PLEKHG5: variants seen among roughly 807,000 people sequenced by gnomAD.
PLEKHG5 encodes pleckstrin homology and RhoGEF domain containing G5.
In PLEKHG5, 52 loss-of-function variants were observed where a neutral mutation model predicts 103.8. The ratio of observed to expected loss-of-function variants is 0.50; its 90% CI spans 0.40 to 0.63. The LOEUF (loss-of-function observed/expected upper bound fraction) is 0.63, where lower values mean the gene tolerates loss of function less well. PLEKHG5 is among the 30% of genes least tolerant of loss of function. The probability of loss-of-function intolerance (pLI) is 0.00; values close to 1 mark genes in which losing one functional copy is unlikely to be tolerated. For missense variants in PLEKHG5, 1,205 were observed against 1,347.6 expected, an observed-to-expected ratio of 0.89 and a Z score of 1.66; for synonymous variants, 592 against 575.5, an observed-to-expected ratio of 1.03 and a Z score of -0.41.
chr1:6,471,716 T>G (rs1047472923), intron 11 of PLEKHG5, 42 bp downstream of exon 11: 1 of 1,596,508 alleles, frequency 6.3e-7, no homozygotes, highest in Non-Finnish European at 8.5e-7. Context: ...CCGCCCTCCT[T>G]CCTGGTACCT....
chr1:6,484,477 A>C (rs536612541), intron 1 of PLEKHG5, among the ~76,000 whole-genome samples: 6 of 152,262 alleles, frequency 3.9e-5, no homozygotes, highest in African/African-American at 1.4e-4. Flanking sequence ...TTGACGATGA[A>C]GTTCTGGAAG....
At position 6,470,958 on chromosome 1, in the gene PLEKHG5, T is replaced by C. The variant is rs367581710; in HGVS notation, c.1392+32A>G. ...GGCCCCGTCCAGGGTCCCGTCCTCCTGCGCCCCCGCCCACGGCACGCGCGC... is the reference window on the plus strand; with the variant it reads ...GGCCCCGTCCAGGGTCCCGTCCTCCCGCGCCCCCGCCCACGGCACGCGCGC... On this transcript the variant is annotated intron_variant, in intron 13 of 20. Transcript: ENST00000377728. 5.7e-6 allele frequency: 8 copies of C among 1,392,802 alleles called. No homozygotes were observed. The East Asian group carries it at 1.8e-4, about 32-fold the overall frequency. 86.3% of individuals were successfully genotyped at this position (1,392,802 alleles called of 1,614,324 possible). A position where few individuals can be genotyped will look rare whatever the true frequency, so the allele number is the denominator to read the frequency against.
intron 2 of PLEKHG5, 152 bp from the exon 3 acceptor site, chr1:6,476,188 A>T (rs971558378): frequency 1.4e-6 from 1 of 718,998 alleles, no homozygotes; most frequent in African/African-American, 1.7e-5. Context: ...GGGCTCAGTC[A>T]TTGTTTTTTG....
intron 1 of PLEKHG5, among the ~76,000 whole-genome samples, chr1:6,511,028 G>T (rs1426713669): frequency 6.6e-6 from 1 of 152,076 alleles, no homozygotes; most frequent in Non-Finnish European, 1.5e-5. Context: ...GGCAGAAGTT[G>T]TAGTGAGCCG....
intron 12 of PLEKHG5, 66 bp from the exon 13 acceptor site, chr1:6,471,166 G>T: frequency 7.6e-7 from 1 of 1,321,042 alleles, no homozygotes; most frequent in Non-Finnish European, 1.1e-6. Context: ...GCCCGCGCCA[G>T]GCGCTGCGCA....
At chr1:6,468,721 C>A in intron 19 of PLEKHG5, 135 bp from the exon 20 acceptor site, 1 of 906,162 alleles carries the variant, frequency 1.1e-6, no homozygotes, top group Non-Finnish European at 1.7e-6. Flanking sequence ...CAGCATGTGG[C>A]AGGTGTGGCA....
At chr1:6,495,916 G>A (rs1053371863), upstream of PLEKHG5, among the ~76,000 whole-genome samples, 1 of 152,236 alleles carries the variant, frequency 6.6e-6, no homozygotes, top group Non-Finnish European at 1.5e-5. Context: ...GAAGCGCCCA[G>A]CCAGTACTAT....
At chr1:6,516,792 A>G (rs1338765770) in intron 1 of PLEKHG5, among the ~76,000 whole-genome samples, 1 of 20,496 alleles carries the variant, frequency 4.9e-5, no homozygotes. Context: ...TGTGTTATAT[A>G]TATGTGTATA....
At chr1:6,504,974 C>T (rs1050558205) in intron 1 of PLEKHG5, among the ~76,000 whole-genome samples, 2 of 152,174 alleles carry the variant, frequency 1.3e-5, no homozygotes, top group East Asian at 1.9e-4. Context: ...TCTGGCCTCA[C>T]GGATGGGCTC....
upstream of PLEKHG5, among the ~76,000 whole-genome samples, chr1:6,499,331 G>A (rs1257710331): frequency 1.3e-5 from 2 of 152,164 alleles, no homozygotes; most frequent in Non-Finnish European, 2.9e-5. Context: ...TTGGGTTCTG[G>A]AATTCCTTGT....
At chr1:6,485,913 C>T (rs1645025651) in intron 1 of PLEKHG5, 1 of 986,184 alleles carries the variant, frequency 1.0e-6, no homozygotes, top group Admixed American at 6.1e-5. Flanking sequence ...TCAGAGGGCT[C>T]CTCAGAACTT....
At position 6,473,310 on chromosome 1, in the gene PLEKHG5, C is replaced by A; in HGVS notation, c.736G>T (p.Ala246Ser). The change falls in exon 8 of 21, where the codon GCG (alanine) becomes TCG (serine). Residue 246 changes from alanine (A) to serine (S), a missense_variant. Coordinates refer to ENST00000377728, the MANE Select transcript of PLEKHG5 (RefSeq NM_020631.6). ...AAAAAGCCGCTGAAGCGACTGGCCG[C>A]CCGGTTCTTCCAGCTGTCGCCAGTG... Reference protein sequence around the residue: ...TNTGDSWKNRAASRFSGFFSS... With the variant: ...TNTGDSWKNRSASRFSGFFSS... 6 of 1,575,448 alleles carry A rather than the reference C, an allele frequency of 3.8e-6. No individual in the cohort carries two copies. The highest frequency in any genetic ancestry group is 5.2e-6 in the Non-Finnish European group (6 of 1,161,434).
At position 6,473,132 on chromosome 1, in the gene PLEKHG5, A is replaced by G. The variant is rs1164397420; in HGVS notation, c.838T>C (p.Tyr280His). The change falls in exon 9 of 21, where the codon TAC becomes CAC. Residue 280 changes from tyrosine to histidine, a missense_variant. By Grantham distance (83) the Tyr-to-His change is moderately conservative. Coordinates refer to ENST00000377728, the MANE Select transcript of PLEKHG5 (RefSeq NM_020631.6). ...MEQLEGKLHT[Y>H]SLFGLPRLPR... ...AGCCTGGGCAGCCCGAAGAGGCTGT[A>G]GGTGTGCAGCTTGCCCTCCAGCTGC... is the stretch of plus-strand genomic sequence containing the variant. 1 of 1,613,828 alleles carries G rather than the reference A, an allele frequency of 6.2e-7. No individual in the cohort carries two copies. Among genetic ancestry groups the G allele is most frequent in the Non-Finnish European group, 8.5e-7 (1 of 1,179,992 alleles).
intron 1 of PLEKHG5, among the ~76,000 whole-genome samples, chr1:6,479,626 T>C (rs1215256013): frequency 6.6e-6 from 1 of 151,674 alleles, no homozygotes; most frequent in Non-Finnish European, 1.5e-5. Context: ...TTTTTTTTTT[T>C]CTTCAAGACA....
chr1:6,474,631 A>C (rs1644703951), intron 5 of PLEKHG5, 44 bp from the exon 6 acceptor site: 1 of 1,607,958 alleles, frequency 6.2e-7, no homozygotes, highest in African/African-American at 1.3e-5. Flanking sequence ...CCAGGCGGCC[A>C]GTCGCTTCAG....
intron 7 of PLEKHG5, 81 bp from the exon 8 acceptor site, chr1:6,473,535 A>G (rs953988236): frequency 7.8e-6 from 9 of 1,152,994 alleles, no homozygotes; most frequent in African/African-American, 1.6e-5. Flanking sequence ...CCAGGGCCTC[A>G]GGCCAGCCTG....
At position 6,477,640 on chromosome 1, in the gene PLEKHG5, A is replaced by C; in HGVS notation, c.-69T>G. On this transcript the variant is annotated 5_prime_UTR_variant, in exon 2 of 21. Coordinates refer to ENST00000377728, the MANE Select transcript of PLEKHG5 (RefSeq NM_020631.6). ...GGCCCCCGGCGGTGCAGCTGCTGGC[A>C]GTCGGCGTGGTGACATACCTGGGGT... The C allele has an allele frequency of 1.2e-6, 2 of 1,606,208 alleles. No individual in the cohort carries two copies.
Position 6,470,258 on chromosome 1 carries a change from A to G in PLEKHG5, c.1778T>C (p.Met593Thr). The G allele has an allele frequency of 6.2e-7, 1 of 1,613,940 alleles. No individual in the cohort carries two copies. The highest frequency in any genetic ancestry group is 8.5e-7 in the Non-Finnish European group (1 of 1,179,970). Reference protein sequence around the residue: ...RQLLLEGSLRMKEGKDSKMDV... With the variant: ...RQLLLEGSLRTKEGKDSKMDV... ...CACCTTGCTGTCCTTCCCCTCCTTC[A>G]TCCTCAGGCTCCCCTCCAGCAGCAG... is the stretch of plus-strand genomic sequence containing the variant. The change falls in exon 16 of 21, where the codon ATG (methionine) becomes ACG (threonine). Residue 593 changes from methionine (M) to threonine (T), a missense_variant. Transcript: ENST00000377728.
upstream of PLEKHG5, chr1:6,496,525 G>A (rs201669114): frequency 2.5e-3 from 4,002 of 1,603,620 alleles, 10 homozygotes; most frequent in Non-Finnish European, 3.2e-3. Flanking sequence ...ATGCAGGCGG[G>A]GTTCTGACAG....
Sources: allele counts gnomAD v4.1 joint callset (sites outside exome capture counted in the v4.1 genomes callset), GRCh38; gene constraint gnomAD v4.1.1; transcripts MANE v1.5; gene names NCBI Gene and HGNC (gene_info 2026-07-23, HGNC 2026-07-21).